NFE2L2: variants seen among roughly 807,000 people sequenced by gnomAD.
NFE2L2 encodes the protein nuclear factor erythroid 2-related factor 2.
In NFE2L2, 20 loss-of-function variants were observed where a neutral mutation model predicts 49.6. That is an observed-to-expected ratio of 0.40 (90% confidence interval 0.28 to 0.59). The LOEUF is 0.59. NFE2L2 is among the 20% of genes least tolerant of loss of function. The pLI, the probability that NFE2L2 is intolerant of heterozygous loss-of-function variation, is 0.40. For synonymous variants in NFE2L2, 244 were observed against 256.5 expected, an observed-to-expected ratio of 0.95 and a Z score of 0.47; for missense variants, 578 against 714.2, an observed-to-expected ratio of 0.81 and a Z score of 2.17.
intron 1 of NFE2L2, 42 bp downstream of exon 1, chr2:177,264,490 C>T (rs1263965480): frequency 2.0e-6 from 3 of 1,514,424 alleles, no homozygotes; most frequent in Non-Finnish European, 2.7e-6. Flanking sequence ...CCCCCGCCCC[C>T]GTCCCGGCAC....
chr2:177,240,245 A>G (rs1689894813), intron 1 of NFE2L2, among the ~76,000 whole-genome samples: 1 of 152,202 alleles, frequency 6.6e-6, no homozygotes, highest in South Asian at 2.1e-4. Context: ...ACAGAAATCC[A>G]GGGCTTTGAG....
At chr2:177,254,173 G>C (rs974908933) in intron 1 of NFE2L2, among the ~76,000 whole-genome samples, 2 of 152,152 alleles carry the variant, frequency 1.3e-5, no homozygotes, top group African/African-American at 4.8e-5. Context: ...TGCAGCTGTA[G>C]GTCCGAGAAA....
At chr2:177,259,268 C>G (rs1041827532) in intron 1 of NFE2L2, among the ~76,000 whole-genome samples, 1 of 152,000 alleles carries the variant, frequency 6.6e-6, no homozygotes, top group African/African-American at 2.4e-5. Flanking sequence ...TACCAATGCA[C>G]TCCAGCCTGG....
rs576114768 is a variant in NFE2L2, at chr2:177,232,740, T to G, written c.403-157A>C. ...CCGTTTGTAAATAACAAATCTTTTTTTCCTACCCCACTGACTCAAATTTAT... is the reference window on the plus strand; with the variant it reads ...CCGTTTGTAAATAACAAATCTTTTTGTCCTACCCCACTGACTCAAATTTAT... On this transcript the variant is annotated intron_variant, in intron 3 of 4. Coordinates refer to ENST00000397062, the MANE Select transcript of NFE2L2 (RefSeq NM_006164.5). The G allele has an allele frequency of 7.9e-5, 55 of 694,596 alleles. No homozygotes were observed. The African/African-American group carries it at 9.3e-4, about 12-fold the overall frequency. 43.0% of individuals were successfully genotyped at this position (694,596 alleles called of 1,614,324 possible).
intron 1 of NFE2L2, chr2:177,263,314 G>T: frequency 3.2e-6 from 3 of 949,862 alleles, no homozygotes; most frequent in Non-Finnish European, 3.8e-6. Flanking sequence ...CATATATAAA[G>T]TACTCAGGGG....
rs765842312 is a variant in NFE2L2 at position 177,230,957 on chromosome 2, C to A, written c.1646G>T (p.Ser549Ile). 1 of 1,610,850 alleles carries A rather than the reference C, an allele frequency of 6.2e-7. No homozygotes were observed. Among genetic ancestry groups the A allele is most frequent in the Non-Finnish European group, 8.5e-7 (1 of 1,179,262 alleles). Reference sequence around the variant, plus strand: ...GAGTTGTTTTTTCAGTAGGTGAAGGCTTTTGTCATTTTCTCCTTTTTCTTT... The same window carrying A: ...GAGTTGTTTTTTCAGTAGGTGAAGGATTTTGTCATTTTCTCCTTTTTCTTT... ...LLKEKGENDK[S>I]LHLLKKQLST... The change falls in exon 5 of 5, where the codon AGC (serine) becomes ATC (isoleucine). Residue 549 changes from serine (S) to isoleucine (I), a missense_variant. Transcript: ENST00000397062.
chr2:177,256,747 C>A (rs980744252), intron 1 of NFE2L2, among the ~76,000 whole-genome samples: 1 of 152,190 alleles, frequency 6.6e-6, no homozygotes, highest in Non-Finnish European at 1.5e-5. Context: ...AATACACCCC[C>A]CCAACACAAA....
At position 177,231,773 on chromosome 2, in the gene NFE2L2, A is replaced by T. The variant is rs897178334; in HGVS notation, c.830T>A (p.Val277Asp). The T allele has an allele frequency of 1.5e-5, 25 of 1,614,088 alleles. No individual in the cohort carries two copies. In the Admixed American group the frequency reaches 3.8e-4, roughly 25 times the overall value. ...TVNSLNSDAT[V>D]NTDFGDEFYS... ...AAATTCATCACCAAAATCTGTGTTG[A>T]CTGTGGCATCTGAATTTAATGAGTT... The change falls in exon 5 of 5, where the codon GTC (valine) becomes GAC (aspartate). Residue 277 changes from valine to aspartate, a missense_variant. Around this residue, in one of 3 missense-constraint regions of NFE2L2, gnomAD observed 368 missense variants for 384.6 expected, o/e 0.96. Coordinates refer to ENST00000397062, the MANE Select transcript of NFE2L2 (RefSeq NM_006164.5).
intron 1 of NFE2L2, among the ~76,000 whole-genome samples, chr2:177,256,589 C>CTTCT (rs1212175039): frequency 3.3e-5 from 5 of 151,636 alleles, no homozygotes; most frequent in Non-Finnish European, 7.4e-5. Context: ...AACTGAAGTC[C>CTTCT]TTCTGTTTTG....
At chr2:177,262,491 A>C (rs1156289670) in intron 1 of NFE2L2, among the ~76,000 whole-genome samples, 1 of 152,244 alleles carries the variant, frequency 6.6e-6, no homozygotes, top group Admixed American at 6.5e-5. Context: ...AGGTCAAGAA[A>C]ATGTTTGACT....
At position 177,232,011 on chromosome 2, in the gene NFE2L2, G is replaced by A; in HGVS notation, c.595-3C>T. On this transcript the variant is annotated splice_region_variant and splice_polypyrimidine_tract_variant and intron_variant, in intron 4 of 4. Coordinates refer to ENST00000397062, the MANE Select transcript of NFE2L2 (RefSeq NM_006164.5). ...TTGTCATTTTCAATATTAAGACACT[G>A]CATGAGAAGGAAGTTTATACTATAT... The A allele has an allele frequency of 6.3e-7, 1 of 1,585,960 alleles. No individual in the cohort carries two copies. Among genetic ancestry groups the A allele is most frequent in the South Asian group, 1.2e-5 (1 of 86,390 alleles).
At position 177,231,170 on chromosome 2, in the gene NFE2L2, A is replaced by G. The variant is rs1249184707; in HGVS notation, c.1433T>C (p.Val478Ala). ...GGACATCATTTCGTTGAAGTCAACA[A>G]CAGGGAGGTTAATGATTTTTTCTAC... ...FPVEKIINLP[V>A]VDFNEMMSKE... The change falls in exon 5 of 5, where the codon GTT becomes GCT. Residue 478 changes from valine to alanine, a missense_variant. Val to Ala is a moderately conservative substitution (Grantham distance 64, BLOSUM62 0). Around this residue, in one of 3 missense-constraint regions of NFE2L2, gnomAD observed 117 missense variants for 175.8 expected, o/e 0.67. Transcript: ENST00000397062. The G allele has an allele frequency of 6.2e-7, 1 of 1,614,180 alleles. No homozygotes were observed. Among genetic ancestry groups the G allele is most frequent in the South Asian group, 1.1e-5 (1 of 91,082 alleles).
intron 1 of NFE2L2, chr2:177,263,553 A>T: frequency 1.0e-6 from 1 of 985,492 alleles, no homozygotes; most frequent in Non-Finnish European, 1.2e-6. Context: ...TGGCGCGGCG[A>T]GGTTTGCACG....
At chr2:177,264,010 C>T in intron 1 of NFE2L2, 1 of 946,464 alleles carries the variant, frequency 1.1e-6, no homozygotes, top group Non-Finnish European at 1.3e-6. Context: ...GGTCTTGGGG[C>T]GCGGCGAAGG....
chr2:177,247,266 A>C (rs1261541323), intron 1 of NFE2L2, among the ~76,000 whole-genome samples: 1 of 152,132 alleles, frequency 6.6e-6, no homozygotes, highest in African/African-American at 2.4e-5. Context: ...CCACTCAATA[A>C]ATACACATTA....
At chr2:177,257,076 C>T (rs1574282643) in intron 1 of NFE2L2, among the ~76,000 whole-genome samples, 1 of 152,354 alleles carries the variant, frequency 6.6e-6, no homozygotes, top group East Asian at 1.9e-4. Context: ...GTGGGAGCCA[C>T]TACAAAGTGG....
intron 1 of NFE2L2, among the ~76,000 whole-genome samples, chr2:177,258,068 T>A (rs773628450): frequency 9.2e-5 from 14 of 152,336 alleles, no homozygotes; most frequent in Middle Eastern, 6.8e-3. Context: ...TTTGATTTCA[T>A]GAGGGATATG....
In NFE2L2 at chr2:177,245,241, G is replaced by T. The variant is rs373013655; in HGVS notation, c.46-10970C>A. Among the ~76,000 whole-genome samples, 248 of 152,070 alleles carry T rather than the reference G, an allele frequency of 1.6e-3. 1 individual carries two copies. Among genetic ancestry groups the T allele is most frequent in the African/African-American group, 5.6e-3 (233 of 41,460 alleles). On this transcript the variant is annotated intron_variant, in intron 1 of 4. Transcript: ENST00000397062. ...ATTACTGTTAATGCCACACTGTCAC[G>T]GAACGCTACAACTGGAAGGGACCAC...
chr2:177,244,301 T>TC (rs1413500417), intron 1 of NFE2L2, among the ~76,000 whole-genome samples: 2 of 147,546 alleles, frequency 1.4e-5, no homozygotes, highest in East Asian at 3.9e-4. Flanking sequence ...AAACTCTGTC[T>TC]CAAAAAAAAA....
Sources: allele counts gnomAD v4.1 joint callset (sites outside exome capture counted in the v4.1 genomes callset), GRCh38; gene constraint gnomAD v4.1.1; regional missense constraint gnomAD v4.1.1; transcripts MANE v1.5; gene names NCBI Gene and HGNC (gene_info 2026-07-23, HGNC 2026-07-21).